Variants in EPB41L1 observed in about 807,000 individuals in gnomAD.
EPB41L1 encodes band 4.1-like protein 1.
A neutral mutation model predicts 97.8 loss-of-function variants in EPB41L1; 29 were observed. That is an observed-to-expected ratio of 0.30 (90% CI 0.22 to 0.40). EPB41L1 has a LOEUF of 0.40. EPB41L1 is among the 10% of genes least tolerant of loss of function. EPB41L1 has a pLI of 1.00. For missense variants in EPB41L1, 812 were observed against 1,162.3 expected (o/e 0.70, Z 4.38); for synonymous variants, 383 against 459.2 (o/e 0.83, Z 2.12).
intron 2 of EPB41L1, among the ~76,000 whole-genome samples, chr20:36,146,982 AC>A (rs2059862397): frequency 6.6e-6 from 1 of 152,130 alleles, no homozygotes; most frequent in African/African-American, 2.4e-5. Context: ...CCCTATCTCT[AC>A]AAAAAATATA....
intron 2 of EPB41L1, among the ~76,000 whole-genome samples, chr20:36,133,971 G>GT (rs1280023247): frequency 2.6e-5 from 4 of 152,124 alleles, no homozygotes; most frequent in Admixed American, 6.6e-5. Context: ...GGTGAGGTAG[G>GT]TTTTACGGAA....
chr20:36,202,370 C>T (rs1365772180), intron 14 of EPB41L1, among the ~76,000 whole-genome samples: 1 of 152,238 alleles, frequency 6.6e-6, no homozygotes, highest in Non-Finnish European at 1.5e-5. Context: ...TACCGCTCTG[C>T]ATCCTCCTCC....
chr20:36,198,288 C>A (rs1157558522), intron 14 of EPB41L1, among the ~76,000 whole-genome samples: 1 of 152,196 alleles, frequency 6.6e-6, no homozygotes, highest in Non-Finnish European at 1.5e-5. Context: ...GCGTACTCCC[C>A]TTCCATCAGC....
At chr20:36,197,583 G>C in intron 13 of EPB41L1, 1 of 970,914 alleles carries the variant, frequency 1.0e-6, no homozygotes, top group Non-Finnish European at 1.2e-6. Context: ...GCTGTTCAGA[G>C]GCTGTAGAGC....
At chr20:36,184,002 T>C (rs1204637615) in intron 6 of EPB41L1, among the ~76,000 whole-genome samples, 2 of 152,124 alleles carry the variant, frequency 1.3e-5, no homozygotes, top group Non-Finnish European at 2.9e-5. Context: ...TGGGAGACAA[T>C]GGCAGGAAGA....
At chr20:36,100,163 T>G (rs2147490500) in intron 1 of EPB41L1, among the ~76,000 whole-genome samples, 1 of 152,350 alleles carries the variant, frequency 6.6e-6, no homozygotes, top group African/African-American at 2.4e-5. Context: ...GGGAAAGCTC[T>G]GGGAAAGAGA....
chr20:36,133,619 G>A (rs184944848), intron 2 of EPB41L1, among the ~76,000 whole-genome samples: 1 of 152,286 alleles, frequency 6.6e-6, no homozygotes, highest in East Asian at 1.9e-4. Flanking sequence ...CACTTTGGGA[G>A]GCCGATGCAG....
intron 14 of EPB41L1, among the ~76,000 whole-genome samples, chr20:36,199,931 G>A (rs1233424546): frequency 6.6e-6 from 1 of 152,134 alleles, no homozygotes; most frequent in Admixed American, 6.5e-5. Flanking sequence ...GCTGGTGATA[G>A]CTGGAACTGC....
chr20:36,107,553 G>A (rs1201545425), intron 1 of EPB41L1, among the ~76,000 whole-genome samples: 1 of 150,908 alleles, frequency 6.6e-6, no homozygotes, highest in Non-Finnish European at 1.5e-5. Context: ...AAGGCGGCTG[G>A]GCATGGTGCC....
At chr20:36,177,055 G>A (rs922426132) in intron 3 of EPB41L1, among the ~76,000 whole-genome samples, 3 of 152,172 alleles carry the variant, frequency 2.0e-5, no homozygotes, top group Non-Finnish European at 4.4e-5. Context: ...GCCTGTCCTA[G>A]AAGTGCACAA....
rs1390319272 is a variant in EPB41L1 at position 36,209,433 on chromosome 20, TTCTC to T, written c.1669-46_1669-43del. The T allele has an allele frequency of 2.5e-6, 4 of 1,570,380 alleles. No homozygotes were observed. Among genetic ancestry groups the T allele is most frequent in the Admixed American group, 1.7e-5 (1 of 57,148 alleles). On this transcript the variant is annotated intron_variant, in intron 14 of 21. Transcript: ENST00000338074. The surrounding 1 kb of genome is among the most constrained non-coding windows in gnomAD (Gnocchi z 4.2). Reference sequence around the variant, plus strand: ...TGACATTCACCATCTTGATTTCTCTTTCTCTCTCTCTCCCCACCCCACATCCCCA... The same window carrying T: ...TGACATTCACCATCTTGATTTCTCTTTCTCTCTCCCCACCCCACATCCCCA...
chr20:36,221,846 C>T lies in EPB41L1; in HGVS notation c.2440-18C>T, dbSNP rs2063800251. The T allele has an allele frequency of 6.2e-7, 1 of 1,612,118 alleles. No homozygotes were observed. Among genetic ancestry groups the T allele is most frequent in the East Asian group, 2.2e-5 (1 of 44,878 alleles). ...CAACAGGACCCAAGAGTGACCTCACCTCCCTCTCCCTCTGCAGACTGTGAA... is the reference window on the plus strand; with the variant it reads ...CAACAGGACCCAAGAGTGACCTCACTTCCCTCTCCCTCTGCAGACTGTGAA... On this transcript the variant is annotated intron_variant, in intron 19 of 21. Coordinates refer to ENST00000338074, the MANE Select transcript of EPB41L1 (RefSeq NM_012156.2).
chr20:36,166,989 A>G (rs1034174369), intron 1 of EPB41L1, among the ~76,000 whole-genome samples: 2 of 152,362 alleles, frequency 1.3e-5, no homozygotes, highest in Admixed American at 1.3e-4. Context: ...AACATTGTGA[A>G]TGTAATTAAT....
chr20:36,167,919 GGAGAA>G (rs893046503), intron 1 of EPB41L1, among the ~76,000 whole-genome samples: 42 of 152,132 alleles, frequency 2.8e-4, no homozygotes, highest in African/African-American at 9.9e-4. Flanking sequence ...CAATGGTGAT[GGAGAA>G]AAGAAGCAAA....
chr20:36,165,296 T>G (rs2060694005), intron 1 of EPB41L1, among the ~76,000 whole-genome samples: 1 of 151,960 alleles, frequency 6.6e-6, no homozygotes, highest in South Asian at 2.1e-4. Context: ...ACATTAACTT[T>G]TGTATCTCAA....
intron 1 of EPB41L1, among the ~76,000 whole-genome samples, chr20:36,098,460 T>C (rs2057905159): frequency 1.3e-5 from 2 of 152,174 alleles, no homozygotes; most frequent in Non-Finnish European, 2.9e-5. Flanking sequence ...GGGCAATCTG[T>C]TTCCTGCCTT....
chr20:36,116,047 G>A (rs2147630937), intron 2 of EPB41L1, among the ~76,000 whole-genome samples: 1 of 152,342 alleles, frequency 6.6e-6, no homozygotes, highest in South Asian at 2.1e-4. Context: ...TCCAGAGCCT[G>A]TACTACAACC....
rs1474734323 is a variant in EPB41L1, at chr20:36,212,316, AAAG to A, written c.2129_2131del (p.Lys710del). Reference sequence around the variant, plus strand: ...TGACTGTCAGCAGTCTGGCCATTAGAAAGAAGATTGAGCCGGAGGCCGTACTGC... The same window carrying A: ...TGACTGTCAGCAGTCTGGCCATTAGAAAGATTGAGCCGGAGGCCGTACTGC... On this transcript the variant is annotated inframe_deletion, in exon 16 of 22. Coordinates refer to ENST00000338074, the MANE Select transcript of EPB41L1 (RefSeq NM_012156.2). This position sits in a 1 kb window ranked among gnomAD's most constrained non-coding sequence, Gnocchi z 4.8. The A allele has an allele frequency of 2.5e-6, 4 of 1,614,148 alleles. No individual in the cohort carries two copies. The highest frequency in any genetic ancestry group is 3.4e-6 in the Non-Finnish European group (4 of 1,180,024).
chr20:36,223,129 C>T (rs2060481492), intron 21 of EPB41L1, among the ~76,000 whole-genome samples: 1 of 152,234 alleles, frequency 6.6e-6, no homozygotes, highest in Admixed American at 6.5e-5. Flanking sequence ...ATCCCCTGAC[C>T]TCGGGTGATC....
Sources: allele counts gnomAD v4.1 joint callset (sites outside exome capture counted in the v4.1 genomes callset), GRCh38; gene constraint gnomAD v4.1.1; non-coding constraint Gnocchi (gnomAD v3.1); transcripts MANE v1.5; gene names NCBI Gene and HGNC (gene_info 2026-07-23, HGNC 2026-07-21).